The following CTNNA3 variants were observed in gnomAD, a reference collection of about 807,000 sequenced individuals.
CTNNA3 encodes catenin alpha-3.
Under a neutral mutation model 95.7 loss-of-function variants are expected in CTNNA3, and 76 were observed. The observed-to-expected ratio is 0.79, with a 90% CI of 0.66 to 0.96. CTNNA3 has a LOEUF of 0.96. Among genes scored for constraint, CTNNA3 ranks in the 40% least tolerant of loss-of-function variants. The probability of loss-of-function intolerance (pLI) is 0.00; values close to 1 mark genes in which losing one functional copy is unlikely to be tolerated. For missense variants in CTNNA3, 1,191 were observed against 1,089.8 expected (o/e 1.09, Z -1.31); for synonymous variants, 431 against 374.4 (o/e 1.15, Z -1.74).
intron 12 of CTNNA3, among the ~76,000 whole-genome samples, chr10:66,300,951 G>C (rs1410608563): frequency 6.6e-6 from 1 of 151,656 alleles, no homozygotes; most frequent in Non-Finnish European, 1.5e-5. Flanking sequence ...TAAAAAAAAA[G>C]AGAGAAGATA....
At chr10:66,347,536 C>G (rs2092532730) in intron 12 of CTNNA3, among the ~76,000 whole-genome samples, 1 of 151,802 alleles carries the variant, frequency 6.6e-6, no homozygotes, top group Non-Finnish European at 1.5e-5. Context: ...ATTGCTTGAG[C>G]CCAGAAGGTA....
At chr10:67,673,425 C>T (rs1840478691) in intron 1 of CTNNA3, among the ~76,000 whole-genome samples, 1 of 151,634 alleles carries the variant, frequency 6.6e-6, no homozygotes, top group Non-Finnish European at 1.5e-5. Context: ...GAGAGGGCAT[C>T]CCTGTCTTGT....
chr10:66,205,913 T>G (rs2087726005), intron 13 of CTNNA3, among the ~76,000 whole-genome samples: 1 of 151,940 alleles, frequency 6.6e-6, no homozygotes, highest in South Asian at 2.1e-4. Flanking sequence ...ACGTCACCAT[T>G]TATTTGCTAT....
chr10:66,337,941 C>G (rs1200166245), intron 12 of CTNNA3, among the ~76,000 whole-genome samples: 2 of 151,862 alleles, frequency 1.3e-5, no homozygotes, highest in Non-Finnish European at 2.9e-5. Context: ...TATGCATAGC[C>G]TAGGTATCCA....
At chr10:67,704,899 A>G (rs895002548) in intron 1 of CTNNA3, among the ~76,000 whole-genome samples, 8 of 152,208 alleles carry the variant, frequency 5.3e-5, no homozygotes, top group Admixed American at 3.3e-4. Flanking sequence ...GCTAATATCC[A>G]GAATCTACAA....
intron 5 of CTNNA3, among the ~76,000 whole-genome samples, chr10:67,395,562 G>C (rs1844679285): frequency 6.6e-6 from 1 of 152,166 alleles, no homozygotes; most frequent in South Asian, 2.1e-4. Context: ...CAGGGAAGTG[G>C]TAGAAAATTT....
At chr10:67,426,422 C>T (rs1219602629) in intron 5 of CTNNA3, among the ~76,000 whole-genome samples, 1 of 151,956 alleles carries the variant, frequency 6.6e-6, no homozygotes, top group East Asian at 1.9e-4. Flanking sequence ...AAAATTAAAG[C>T]AAATGATGCT....
intron 13 of CTNNA3, among the ~76,000 whole-genome samples, chr10:66,271,305 T>C (rs942727733): frequency 1.1e-4 from 16 of 152,206 alleles, no homozygotes; most frequent in Non-Finnish European, 2.4e-4. Context: ...TGTATTCCCA[T>C]ATTATTTTCT....
rs572757861 is a variant in CTNNA3, at chr10:67,572,519, G to C, written c.293-32850C>G. Among the ~76,000 whole-genome samples the C allele has an allele frequency of 2.0e-5, 3 of 152,274 alleles. No individual in the cohort carries two copies. The East Asian group carries it at 5.8e-4, about 29-fold the overall frequency. On this transcript the variant is annotated intron_variant, in intron 3 of 17. Transcript: ENST00000433211. The stretch of plus-strand genomic sequence containing the variant: ...AAACTTTACCACCAGCCTGTTGTGT[G>C]CTATATTGGATTTGATGAGACCACC...
At chr10:67,129,269 G>C (rs745842434) in intron 7 of CTNNA3, among the ~76,000 whole-genome samples, 2 of 152,148 alleles carry the variant, frequency 1.3e-5, no homozygotes, top group African/African-American at 4.8e-5. Context: ...AGATGTGTTT[G>C]TCATCCCAAT....
chr10:67,649,909 G>C (rs1325912861), intron 1 of CTNNA3, among the ~76,000 whole-genome samples: 1 of 152,052 alleles, frequency 6.6e-6, no homozygotes, highest in Non-Finnish European at 1.5e-5. Flanking sequence ...GCCTGATCTC[G>C]GCTCACCACA....
At chr10:66,046,711 A>G (rs2079836260) in intron 15 of CTNNA3, among the ~76,000 whole-genome samples, 1 of 152,154 alleles carries the variant, frequency 6.6e-6, no homozygotes, top group Non-Finnish European at 1.5e-5. Context: ...TAAGATAGAT[A>G]GGCTATTATA....
chr10:66,527,130 T>C (rs571410588), intron 10 of CTNNA3, among the ~76,000 whole-genome samples: 16 of 152,274 alleles, frequency 1.1e-4, no homozygotes, highest in African/African-American at 3.6e-4. Context: ...GCAAACTTCA[T>C]TCGTTGCCAT....
chr10:66,360,735 TC>T (rs1564896741), intron 12 of CTNNA3, among the ~76,000 whole-genome samples: 2 of 88,234 alleles, frequency 2.3e-5, no homozygotes, highest in Non-Finnish European at 4.3e-5. Context: ...TTTCTTTCTT[TC>T]TTTCTTTCTT....
intron 7 of CTNNA3, among the ~76,000 whole-genome samples, chr10:66,796,163 T>TTGGCCTAGGCC (rs1841182764): frequency 6.6e-6 from 1 of 152,144 alleles, no homozygotes; most frequent in Non-Finnish European, 1.5e-5. Context: ...GGCCTAGCGT[T>TTGGCCTAGGCC]TGGCCTGTCT....
chr10:67,060,473 G>A (rs1855697696), intron 7 of CTNNA3, among the ~76,000 whole-genome samples: 1 of 152,112 alleles, frequency 6.6e-6, no homozygotes. Flanking sequence ...TTCCAATTGT[G>A]GCAGAAATAG....
At chr10:67,385,300 T>A (rs1358425775) in intron 5 of CTNNA3, among the ~76,000 whole-genome samples, 1 of 152,238 alleles carries the variant, frequency 6.6e-6, no homozygotes, top group East Asian at 1.9e-4. Flanking sequence ...AAGGGACTTC[T>A]CCTTCTGTCC....
chr10:66,876,766 G>A (rs1844638879), intron 7 of CTNNA3, among the ~76,000 whole-genome samples: 1 of 151,954 alleles, frequency 6.6e-6, no homozygotes, highest in South Asian at 2.1e-4. Flanking sequence ...GCAAGCAGGA[G>A]CAAGGGAACA....
chr10:65,970,327 C>T (rs1162447107), intron 16 of CTNNA3, among the ~76,000 whole-genome samples: 2 of 152,016 alleles, frequency 1.3e-5, no homozygotes, highest in Admixed American at 6.6e-5. Flanking sequence ...CACAAAAACA[C>T]AAGTACAGAG....
Sources: allele counts gnomAD v4.1 joint callset (sites outside exome capture counted in the v4.1 genomes callset), GRCh38; gene constraint gnomAD v4.1.1; transcripts MANE v1.5; gene names NCBI Gene and HGNC (gene_info 2026-07-23, HGNC 2026-07-21).